PLXNA4: variants seen among roughly 807,000 people sequenced by gnomAD.
PLXNA4 encodes the protein plexin-A4.
PLXNA4 carries 44 observed loss-of-function variants against 191.8 expected under a neutral mutation model. That is an observed-to-expected ratio of 0.23 (90% confidence interval 0.18 to 0.29). The LOEUF (loss-of-function observed/expected upper bound fraction) is 0.29, where lower values mean the gene tolerates loss of function less well. Ranked by LOEUF, PLXNA4 falls within the 10% of genes least tolerant of loss-of-function variation. The pLI, the probability that PLXNA4 is intolerant of heterozygous loss-of-function variation, is 1.00. For synonymous variants in PLXNA4, 1,082 were observed against 1,009.5 expected (o/e 1.07, Z -1.36); for missense variants, 1,800 against 2,488.8 (o/e 0.72, Z 5.89).
chr7:132,454,167 G>C (rs1796230118), intron 3 of PLXNA4, among the ~76,000 whole-genome samples: 1 of 152,164 alleles, frequency 6.6e-6, no homozygotes, highest in South Asian at 2.1e-4. Flanking sequence ...CACCCATGTT[G>C]GGCACTGTCC....
chr7:132,365,220 A>G (rs1804104051), intron 3 of PLXNA4, among the ~76,000 whole-genome samples: 1 of 152,202 alleles, frequency 6.6e-6, no homozygotes, highest in Non-Finnish European at 1.5e-5. Flanking sequence ...AGAGCTCAGC[A>G]GTGAGTCCAT....
At chr7:132,191,991 A>T (rs1285468085) in intron 14 of PLXNA4, among the ~76,000 whole-genome samples, 1 of 152,048 alleles carries the variant, frequency 6.6e-6, no homozygotes, top group Non-Finnish European at 1.5e-5. Flanking sequence ...AAGGAAAATG[A>T]CTCGTCCATG....
intron 21 of PLXNA4, among the ~76,000 whole-genome samples, chr7:132,173,686 C>T (rs1796362112): frequency 6.6e-6 from 1 of 152,228 alleles, no homozygotes. Flanking sequence ...TTAGACATTC[C>T]CTCAGGTGTC....
At chr7:132,640,424 C>T (rs1035114984) in intron 2 of PLXNA4, among the ~76,000 whole-genome samples, 6 of 152,040 alleles carry the variant, frequency 3.9e-5, no homozygotes, top group African/African-American at 1.4e-4. Context: ...GGAGATAGGG[C>T]CTTTGGGGAG....
rs903190894 is a variant in PLXNA4, at chr7:132,520,937, G to A, written c.-86-12158C>T. On this transcript the variant is annotated intron_variant, in intron 1 of 31. Coordinates refer to ENST00000321063, the MANE Select transcript of PLXNA4 (RefSeq NM_020911.2). Reference sequence around the variant, plus strand: ...CTTCTGTTGTCACCAACATCTAGTGGGAGTGCCTCACTCCAGGCCCCTTTT... The same window carrying A: ...CTTCTGTTGTCACCAACATCTAGTGAGAGTGCCTCACTCCAGGCCCCTTTT... Among the ~76,000 whole-genome samples, 9 of 152,026 alleles carry A rather than the reference G, an allele frequency of 5.9e-5. No homozygotes were observed. In the East Asian group the frequency reaches 1.5e-3, roughly 26 times the overall value.
rs78613381 is a variant in PLXNA4 at position 132,337,546 on chromosome 7, G to A, written c.1372-39324C>T. Among the ~76,000 whole-genome samples the A allele has an allele frequency of 7.2e-3, 1,091 of 152,242 alleles. 12 individuals are homozygous for A. Among genetic ancestry groups the A allele is most frequent in the African/African-American group, 0.025 (1,053 of 41,542 alleles). On this transcript the variant is annotated intron_variant, in intron 3 of 31. Coordinates refer to ENST00000321063, the MANE Select transcript of PLXNA4 (RefSeq NM_020911.2). ...ACCAGTAAAGCCCTCCTGGAATTCC[G>A]CAGTCAACTACACCCTAGTTGCAGC...
At chr7:132,547,531 T>C (rs898951682) in intron 1 of PLXNA4, among the ~76,000 whole-genome samples, 3 of 152,062 alleles carry the variant, frequency 2.0e-5, no homozygotes, top group South Asian at 2.1e-4. Context: ...GGTAAGTGTA[T>C]AGTGAGTAGT....
intron 5 of PLXNA4, among the ~76,000 whole-genome samples, chr7:132,235,785 C>T (rs1461557526): frequency 6.6e-6 from 1 of 152,150 alleles, no homozygotes; most frequent in Non-Finnish European, 1.5e-5. Context: ...GGAGAGGGGG[C>T]TGGGGACCTG....
At chr7:132,549,782 G>A (rs1004335572) in intron 1 of PLXNA4, among the ~76,000 whole-genome samples, 10 of 152,072 alleles carry the variant, frequency 6.6e-5, no homozygotes, top group African/African-American at 2.4e-4. Flanking sequence ...TTGTTTGTTT[G>A]TTTGTTTGTT....
intron 1 of PLXNA4, among the ~76,000 whole-genome samples, chr7:132,553,947 C>A (rs1800679392): frequency 1.3e-5 from 2 of 152,110 alleles, no homozygotes; most frequent in South Asian, 4.1e-4. Flanking sequence ...CCCTTATTTG[C>A]TCCCAGCTCA....
chr7:132,535,074 G>A (rs1364603583), intron 1 of PLXNA4, among the ~76,000 whole-genome samples: 1 of 152,154 alleles, frequency 6.6e-6, no homozygotes, highest in African/African-American at 2.4e-5. Context: ...AGAAAATGAA[G>A]ATGTGATCCT....
intron 2 of PLXNA4, among the ~76,000 whole-genome samples, chr7:132,501,306 TGTGTGCACATGG>T (rs1240459396): frequency 6.6e-6 from 1 of 151,986 alleles, no homozygotes. Flanking sequence ...AAAGAATGGG[TGTGTGCACATGG>T]GTGTGCTATG....
chr7:132,385,963 A>T (rs2116965008), intron 3 of PLXNA4, among the ~76,000 whole-genome samples: 1 of 152,360 alleles, frequency 6.6e-6, no homozygotes, highest in East Asian at 1.9e-4. Flanking sequence ...ATGTAAGAAG[A>T]TCATTCAACA....
chr7:132,350,654 G>T (rs1359877758), intron 3 of PLXNA4, among the ~76,000 whole-genome samples: 1 of 152,232 alleles, frequency 6.6e-6, no homozygotes, highest in Admixed American at 6.5e-5. Flanking sequence ...GTTGGTGAGG[G>T]TGTGCAGCAA....
chr7:132,491,512 C>T (rs1285573031), intron 2 of PLXNA4, among the ~76,000 whole-genome samples: 6 of 152,142 alleles, frequency 3.9e-5, no homozygotes, highest in African/African-American at 1.2e-4. Context: ...AGAGCGTGGG[C>T]AAGCCTGAGC....
chr7:132,430,895 A>T (rs1261812451), intron 3 of PLXNA4, among the ~76,000 whole-genome samples: 2 of 152,210 alleles, frequency 1.3e-5, no homozygotes, highest in Non-Finnish European at 2.9e-5. Context: ...CAGGAGCAGC[A>T]GCCTCGGCCA....
At chr7:132,474,927 A>G (rs1391745633) in intron 3 of PLXNA4, among the ~76,000 whole-genome samples, 1 of 152,170 alleles carries the variant, frequency 6.6e-6, no homozygotes, top group African/African-American at 2.4e-5. Context: ...AAGTCTCACT[A>G]CCCTCAGCTC....
At chr7:132,138,652 T>C (rs987134030) in intron 30 of PLXNA4, among the ~76,000 whole-genome samples, 1 of 152,178 alleles carries the variant, frequency 6.6e-6, no homozygotes, top group African/African-American at 2.4e-5. Flanking sequence ...TTCTTGAAAG[T>C]GTCAGTGGTT....
intron 3 of PLXNA4, among the ~76,000 whole-genome samples, chr7:132,334,684 G>A (rs1293898516): frequency 6.6e-6 from 1 of 152,196 alleles, no homozygotes. Context: ...AACTTCATGG[G>A]TTAAACAACA....
Sources: gnomAD v4.1 joint callset for allele counts (sites outside exome capture counted in the v4.1 genomes callset) on GRCh38, gnomAD v4.1.1 for gene constraint, MANE v1.5 for transcripts, NCBI Gene and HGNC (gene_info 2026-07-23, HGNC 2026-07-21) for gene names.